OR1B1: variants seen among roughly 807,000 people sequenced by gnomAD.
OR1B1 encodes olfactory receptor 1B1.
For synonymous variants in OR1B1, 168 were observed against 156.2 expected (o/e 1.08, Z -0.57); for missense variants, 414 against 402.1 (o/e 1.03, Z -0.25).
At chr9:122,631,137 A>G (rs1255205302), upstream of OR1B1, among the ~76,000 whole-genome samples, 1 of 151,926 alleles carries the variant, frequency 6.6e-6, no homozygotes, top group Non-Finnish European at 1.5e-5. Context: ...TCATCCACAC[A>G]TGCCCACTCA....
At chr9:122,653,684 A>G in the OR1B1 span, among the ~76,000 whole-genome samples, 1 of 152,158 alleles carries the variant, frequency 6.6e-6, no homozygotes, top group South Asian at 2.1e-4. Context: ...GGTTATAAAA[A>G]CAGATTTCTC....
the OR1B1 span, among the ~76,000 whole-genome samples, chr9:122,655,333 G>A: frequency 1.3e-5 from 2 of 152,068 alleles, no homozygotes; most frequent in African/African-American, 2.4e-5. Context: ...GACTGTTCCT[G>A]ACCAAAGCCC....
the OR1B1 span, among the ~76,000 whole-genome samples, chr9:122,635,103 C>G: frequency 6.6e-6 from 1 of 152,134 alleles, no homozygotes; most frequent in East Asian, 1.9e-4. Context: ...GCATTATTCA[C>G]AATAGCTAAA....
At chr9:122,650,855 C>T in the OR1B1 span, among the ~76,000 whole-genome samples, 1 of 150,974 alleles carries the variant, frequency 6.6e-6, no homozygotes, top group Non-Finnish European at 1.5e-5. Flanking sequence ...AACCCCATCT[C>T]TACTAAAAAA....
chr9:122,647,764 T>C, the OR1B1 span, among the ~76,000 whole-genome samples: 1 of 151,876 alleles, frequency 6.6e-6, no homozygotes, highest in Non-Finnish European at 1.5e-5. Context: ...GAAGAGGCTG[T>C]GATAAATTCA....
chr9:122,652,636 G>C, the OR1B1 span, among the ~76,000 whole-genome samples: 1 of 151,860 alleles, frequency 6.6e-6, no homozygotes, highest in Non-Finnish European at 1.5e-5. Flanking sequence ...AGAATTTTCT[G>C]TTCATATATA....
chr9:122,638,899 A>G, the OR1B1 span, among the ~76,000 whole-genome samples: 1 of 152,202 alleles, frequency 6.6e-6, no homozygotes, highest in Non-Finnish European at 1.5e-5. Context: ...CTTCAGCAAG[A>G]CTGAGAGATG....
At chr9:122,656,288 T>C in the OR1B1 span, among the ~76,000 whole-genome samples, 5,428 of 152,220 alleles carry the variant, frequency 0.036, 322 homozygotes, top group African/African-American at 0.13. Flanking sequence ...CAAAGACAAT[T>C]TTCTCATTAT....
At chr9:122,636,999 C>T in the OR1B1 span, 4 of 152,172 alleles carry the variant, frequency 2.6e-5, no homozygotes, top group Admixed American at 6.5e-5. Context: ...TTTTTTCACA[C>T]GACTGCTTTT....
At chr9:122,655,122 G>A in the OR1B1 span, among the ~76,000 whole-genome samples, 1 of 152,042 alleles carries the variant, frequency 6.6e-6, no homozygotes. Context: ...GTCCTTCACT[G>A]CACCATTCAC....
At chr9:122,630,828 C>T (rs534952625), upstream of OR1B1, among the ~76,000 whole-genome samples, 1 of 152,208 alleles carries the variant, frequency 6.6e-6, no homozygotes, top group South Asian at 2.1e-4. Context: ...CTGCTTCAGC[C>T]TCCCAAGTAG....
At chr9:122,629,401 C>T in exon 1 of OR1B1, 1 of 1,613,978 alleles carries the variant, frequency 6.2e-7, no homozygotes, top group Non-Finnish European at 8.5e-7. Flanking sequence ...GCACCAGTGT[C>T]ACATTCCCCA....
the OR1B1 span, among the ~76,000 whole-genome samples, chr9:122,638,741 C>T: frequency 6.6e-6 from 1 of 152,164 alleles, no homozygotes; most frequent in Admixed American, 6.5e-5. Context: ...AGGCAGGACC[C>T]ATGTTTCCAA....
chr9:122,640,871 C>G, the OR1B1 span, among the ~76,000 whole-genome samples: 4 of 152,146 alleles, frequency 2.6e-5, no homozygotes, highest in Admixed American at 6.5e-5. Context: ...TTAATTCATA[C>G]GTCCTACTAA....
chr9:122,652,346 A>G, the OR1B1 span, among the ~76,000 whole-genome samples: 1 of 152,242 alleles, frequency 6.6e-6, no homozygotes, highest in Non-Finnish European at 1.5e-5. Flanking sequence ...ACTAGTAAAC[A>G]GAATCTTGAA....
At chr9:122,641,746 T>C in the OR1B1 span, among the ~76,000 whole-genome samples, 4 of 152,214 alleles carry the variant, frequency 2.6e-5, no homozygotes, top group Non-Finnish European at 5.9e-5. Flanking sequence ...GTACATTTTG[T>C]AGTCTCACCA....
At chr9:122,656,440 A>C in the OR1B1 span, among the ~76,000 whole-genome samples, 1 of 152,056 alleles carries the variant, frequency 6.6e-6, no homozygotes, top group Admixed American at 6.6e-5. Flanking sequence ...TCTTATGAAT[A>C]GGTTAATGCT....
chr9:122,648,521 C>A, the OR1B1 span, among the ~76,000 whole-genome samples: 1 of 152,120 alleles, frequency 6.6e-6, no homozygotes, highest in Non-Finnish European at 1.5e-5. Context: ...CCCTTTCTCA[C>A]CACTCCTATT....
upstream of OR1B1, among the ~76,000 whole-genome samples, chr9:122,632,281 T>TA (rs940489002): frequency 2.0e-4 from 30 of 150,650 alleles, no homozygotes; most frequent in Non-Finnish European, 3.7e-4. Flanking sequence ...ATAAAGATTA[T>TA]AAGAAAGAAG....
Sources: allele counts gnomAD v4.1 joint callset (sites outside exome capture counted in the v4.1 genomes callset), GRCh38; gene constraint gnomAD v4.1.1; transcripts MANE v1.5; gene names NCBI Gene and HGNC (gene_info 2026-07-23, HGNC 2026-07-21).